RBFOX1: variants seen among roughly 807,000 people sequenced by gnomAD.
RBFOX1 encodes the protein RNA binding fox-1 homolog 1.
A neutral mutation model predicts 57.7 loss-of-function variants in RBFOX1; 8 were observed. The ratio of observed to expected loss-of-function variants is 0.14; its 90% CI spans 0.08 to 0.25. The LOEUF is 0.25. Among genes scored for constraint, RBFOX1 ranks in the 10% least tolerant of loss-of-function variants. The pLI is 1.00. For missense variants in RBFOX1, 611 were observed against 548.5 expected (o/e 1.11, Z -1.14); for synonymous variants, 326 against 222.4 (o/e 1.47, Z -4.15).
intron 4 of RBFOX1, among the ~76,000 whole-genome samples, chr16:7,107,850 G>T (rs2063888809): frequency 6.6e-6 from 1 of 152,078 alleles, no homozygotes; most frequent in Non-Finnish European, 1.5e-5. Flanking sequence ...TAACCTCCTT[G>T]TTTTCTCTAC....
In RBFOX1 at chr16:6,964,544, G is replaced by C. The variant is rs558366853; in HGVS notation, c.-15-87513G>C. ...TTGTTAAGGGTGAAGCTATGCCTGT[G>C]TGGGGCCAGTGAGGGTATATGGGGA... On this transcript the variant is annotated intron_variant, in intron 3 of 15. Transcript: ENST00000550418. Among the ~76,000 whole-genome samples, 6 of 152,290 alleles carry C rather than the reference G, an allele frequency of 3.9e-5. No individual in the cohort carries two copies. In the South Asian group the frequency reaches 1.0e-3, roughly 26 times the overall value.
intron 1 of RBFOX1, among the ~76,000 whole-genome samples, chr16:5,332,905 G>A (rs985214306): frequency 3.9e-5 from 6 of 152,114 alleles, no homozygotes; most frequent in African/African-American, 1.4e-4. Flanking sequence ...TACACTAGAG[G>A]CCAGGTGGAG....
intron 4 of RBFOX1, among the ~76,000 whole-genome samples, chr16:7,504,933 G>A (rs1459827021): frequency 6.7e-6 from 1 of 148,920 alleles, no homozygotes; most frequent in Non-Finnish European, 1.5e-5. Context: ...TTCGCAAACA[G>A]ACAGGTGAAG....
At chr16:7,548,371 G>A (rs2085237993) in intron 5 of RBFOX1, among the ~76,000 whole-genome samples, 1 of 152,146 alleles carries the variant, frequency 6.6e-6, no homozygotes, top group Non-Finnish European at 1.5e-5. Context: ...TGGCTAGGCT[G>A]GTCTTGAACT....
chr16:7,340,440 T>C (rs1380535230), intron 4 of RBFOX1, among the ~76,000 whole-genome samples: 1 of 152,228 alleles, frequency 6.6e-6, no homozygotes, highest in African/African-American at 2.4e-5. Flanking sequence ...AAGGCAGGGA[T>C]GGCTGTTTTA....
At chr16:7,193,538 T>C (rs1045149412) in intron 4 of RBFOX1, among the ~76,000 whole-genome samples, 1 of 152,240 alleles carries the variant, frequency 6.6e-6, no homozygotes, top group Non-Finnish European at 1.5e-5. Flanking sequence ...AATGCTTTTA[T>C]GGTCCTTACA....
chr16:7,635,503 G>C (rs2061605697), intron 11 of RBFOX1, among the ~76,000 whole-genome samples: 1 of 151,866 alleles, frequency 6.6e-6, no homozygotes, highest in Non-Finnish European at 1.5e-5. Context: ...AAAGTGTGTG[G>C]ACGCCCAGTA....
intron 2 of RBFOX1, among the ~76,000 whole-genome samples, chr16:5,596,365 T>C (rs2047183344): frequency 6.6e-6 from 1 of 152,212 alleles, no homozygotes; most frequent in African/African-American, 2.4e-5. Flanking sequence ...CTAAGGCTGG[T>C]GGTTGCTACG....
At chr16:5,694,595 C>T (rs569489763) in intron 3 of RBFOX1, among the ~76,000 whole-genome samples, 3 of 152,106 alleles carry the variant, frequency 2.0e-5, no homozygotes, top group African/African-American at 4.8e-5. Context: ...TCTAAGATCA[C>T]CACTGTGCTA....
chr16:7,502,485 G>C (rs910626102), intron 4 of RBFOX1, among the ~76,000 whole-genome samples: 1 of 152,134 alleles, frequency 6.6e-6, no homozygotes, highest in Non-Finnish European at 1.5e-5. Flanking sequence ...AAAGCCATTG[G>C]GTTGTTTAGA....
chr16:6,221,222 A>G (rs765138029), intron 1 of RBFOX1, among the ~76,000 whole-genome samples: 2 of 152,204 alleles, frequency 1.3e-5, no homozygotes, highest in African/African-American at 2.4e-5. Flanking sequence ...ACTACTAGCA[A>G]TGCATATAAA....
intron 4 of RBFOX1, among the ~76,000 whole-genome samples, chr16:7,378,058 G>A (rs918036470): frequency 1.3e-5 from 2 of 152,192 alleles, no homozygotes; most frequent in Admixed American, 6.5e-5. Context: ...AAGAGACTCC[G>A]GTGGCTAGAG....
At chr16:7,599,770 C>G (rs1367068273) in intron 9 of RBFOX1, among the ~76,000 whole-genome samples, 1 of 148,804 alleles carries the variant, frequency 6.7e-6, no homozygotes, top group African/African-American at 2.5e-5. Context: ...GTAGCTGGGA[C>G]TACAGCCACA....
chr16:6,660,904 A>G (rs951252824), intron 3 of RBFOX1, among the ~76,000 whole-genome samples: 2 of 152,158 alleles, frequency 1.3e-5, no homozygotes, highest in African/African-American at 4.8e-5. Context: ...CCTTGGAAAT[A>G]TTTCACAAAG....
At chr16:5,708,810 G>A (rs1224218894) in intron 3 of RBFOX1, among the ~76,000 whole-genome samples, 1 of 152,142 alleles carries the variant, frequency 6.6e-6, no homozygotes, top group Non-Finnish European at 1.5e-5. Context: ...TGAGATGAGG[G>A]GCTTGGGAGC....
At chr16:6,056,842 C>CTTTTTTTTTT (rs61605263) in intron 1 of RBFOX1, 5 of 148,630 alleles carry the variant, frequency 3.4e-5, no homozygotes, top group African/African-American at 2.5e-5. Flanking sequence ...AGACTTAAGA[C>CTTTTTTTTTT]TTTTTTTTTT....
intron 14 of RBFOX1, among the ~76,000 whole-genome samples, chr16:7,690,471 C>T (rs994251934): frequency 4.6e-5 from 7 of 152,078 alleles, no homozygotes; most frequent in African/African-American, 1.4e-4. Flanking sequence ...ACGACTCAGC[C>T]AGACTTGTTT....
intron 1 of RBFOX1, among the ~76,000 whole-genome samples, chr16:5,248,066 G>C (rs1414191108): frequency 9.9e-5 from 15 of 152,186 alleles, no homozygotes; most frequent in Admixed American, 9.8e-4. Context: ...GGGTCTCCAG[G>C]CAAGGGCTTG....
intron 2 of RBFOX1, among the ~76,000 whole-genome samples, chr16:6,530,357 C>G (rs958337982): frequency 6.6e-6 from 1 of 152,158 alleles, no homozygotes; most frequent in Admixed American, 6.5e-5. Context: ...GCAGAAACAG[C>G]TGAGCTTGAG....
Sources: gnomAD v4.1 joint callset for allele counts (sites outside exome capture counted in the v4.1 genomes callset) on GRCh38, gnomAD v4.1.1 for gene constraint, MANE v1.5 for transcripts, NCBI Gene and HGNC (gene_info 2026-07-23, HGNC 2026-07-21) for gene names.